CPED1: variants seen among roughly 807,000 people sequenced by gnomAD.
CPED1 encodes the protein cadherin like and PC-esterase domain containing 1.
In CPED1, 114 loss-of-function variants were observed where a neutral mutation model predicts 128.2. That is an observed-to-expected ratio of 0.89 (90% CI 0.76 to 1.04). CPED1 has a LOEUF of 1.04. Among genes scored for constraint, CPED1 ranks in the 50% least tolerant of loss-of-function variants. The probability of loss-of-function intolerance (pLI) is 0.00; values close to 1 mark genes in which losing one functional copy is unlikely to be tolerated. For missense variants in CPED1, 1,211 were observed against 1,207.1 expected (o/e 1.00, Z -0.05); for synonymous variants, 462 against 426.7 (o/e 1.08, Z -1.02).
chr7:121,123,122 A>G (rs991260261), intron 7 of CPED1, among the ~76,000 whole-genome samples: 3 of 152,216 alleles, frequency 2.0e-5, no homozygotes, highest in African/African-American at 7.2e-5. Flanking sequence ...TTTCAATCAT[A>G]CAATTATTAC....
At chr7:121,237,276 T>C (rs980881313) in intron 17 of CPED1, among the ~76,000 whole-genome samples, 63 of 152,188 alleles carry the variant, frequency 4.1e-4, no homozygotes, top group African/African-American at 1.5e-3. Flanking sequence ...ATTATACTAA[T>C]TCATTTGGCA....
intron 22 of CPED1, among the ~76,000 whole-genome samples, chr7:121,292,507 C>T (rs912486541): frequency 1.3e-5 from 2 of 151,964 alleles, no homozygotes; most frequent in Non-Finnish European, 2.9e-5. Context: ...CCTTCTGAAG[C>T]CTACTTCTGT....
At chr7:120,999,158 C>T (rs895758693) in intron 2 of CPED1, among the ~76,000 whole-genome samples, 2 of 152,066 alleles carry the variant, frequency 1.3e-5, no homozygotes, top group South Asian at 2.1e-4. Context: ...ACTCCTTCTC[C>T]CTCTTTTCTT....
At chr7:121,112,693 T>C (rs1446909053) in intron 7 of CPED1, among the ~76,000 whole-genome samples, 1 of 152,136 alleles carries the variant, frequency 6.6e-6, no homozygotes, top group Non-Finnish European at 1.5e-5. Context: ...AAATATCTCA[T>C]TGGCCAAAGA....
chr7:121,166,302 A>G (rs1265365758), intron 16 of CPED1, among the ~76,000 whole-genome samples: 1 of 152,220 alleles, frequency 6.6e-6, no homozygotes, highest in African/African-American at 2.4e-5. Context: ...GCTATGATGT[A>G]TAAAATGGAC....
intron 5 of CPED1, among the ~76,000 whole-genome samples, chr7:121,070,021 A>G (rs1370186871): frequency 6.6e-6 from 1 of 152,048 alleles, no homozygotes. Flanking sequence ...CATTTTGAAC[A>G]TTTTAGGATT....
At chr7:121,152,018 A>G (rs993112495) in intron 16 of CPED1, among the ~76,000 whole-genome samples, 2 of 152,212 alleles carry the variant, frequency 1.3e-5, no homozygotes, top group African/African-American at 4.8e-5. Flanking sequence ...ACCGCCTGAC[A>G]TATTTAACTT....
At chr7:121,025,602 G>T (rs1234619298) in intron 3 of CPED1, among the ~76,000 whole-genome samples, 1 of 152,076 alleles carries the variant, frequency 6.6e-6, no homozygotes, top group East Asian at 1.9e-4. Flanking sequence ...GGTTGGGAGT[G>T]TTCTTCCAAA....
intron 16 of CPED1, among the ~76,000 whole-genome samples, chr7:121,173,834 T>C (rs1159820836): frequency 6.6e-6 from 1 of 152,150 alleles, no homozygotes; most frequent in African/African-American, 2.4e-5. Flanking sequence ...ATTGAATTGA[T>C]ATACACCCCC....
intron 18 of CPED1, among the ~76,000 whole-genome samples, chr7:121,264,150 A>G (rs745778268): frequency 6.6e-6 from 1 of 152,042 alleles, no homozygotes; most frequent in African/African-American, 2.4e-5. Context: ...GAAGGAACCA[A>G]CCCTACTAGC....
chr7:121,086,000 G>A (rs761112557), intron 5 of CPED1, among the ~76,000 whole-genome samples: 1 of 152,158 alleles, frequency 6.6e-6, no homozygotes, highest in African/African-American at 2.4e-5. Context: ...TATTGCAGAA[G>A]CAGGAAGGTT....
At chr7:121,214,966 A>G (rs1332949406) in intron 16 of CPED1, among the ~76,000 whole-genome samples, 1 of 151,992 alleles carries the variant, frequency 6.6e-6, no homozygotes. Flanking sequence ...AATGGGATAC[A>G]TTTTTTGCAG....
At chr7:121,059,992 C>T (rs980179175) in intron 4 of CPED1, among the ~76,000 whole-genome samples, 1 of 152,094 alleles carries the variant, frequency 6.6e-6, no homozygotes, top group African/African-American at 2.4e-5. Context: ...AGCGGGAACC[C>T]GGGCTGCGCG....
chr7:121,091,636 C>T (rs1794573383), intron 5 of CPED1, among the ~76,000 whole-genome samples: 1 of 152,154 alleles, frequency 6.6e-6, no homozygotes, highest in South Asian at 2.1e-4. Context: ...AAGTCAAAGG[C>T]TGTGCAAAGC....
At chr7:121,098,659 G>T (rs569613047) in intron 6 of CPED1, among the ~76,000 whole-genome samples, 1 of 150,470 alleles carries the variant, frequency 6.6e-6, no homozygotes, top group East Asian at 1.9e-4. Flanking sequence ...CTGAGCCCTC[G>T]AAGTGGAGGC....
At chr7:121,079,255 A>G (rs1404954130) in intron 5 of CPED1, among the ~76,000 whole-genome samples, 1 of 152,174 alleles carries the variant, frequency 6.6e-6, no homozygotes, top group Non-Finnish European at 1.5e-5. Flanking sequence ...ATGATATCAC[A>G]TGGAAACGAG....
intron 6 of CPED1, among the ~76,000 whole-genome samples, chr7:121,098,180 A>G (rs1794746835): frequency 6.6e-6 from 1 of 151,894 alleles, no homozygotes; most frequent in Admixed American, 6.6e-5. Context: ...GGCTGGATGC[A>G]TTTTTTTTCT....
intron 2 of CPED1, among the ~76,000 whole-genome samples, chr7:120,997,413 C>A (rs1198196762): frequency 1.3e-5 from 2 of 152,148 alleles, no homozygotes; most frequent in African/African-American, 4.8e-5. Context: ...GACCTATGTC[C>A]TTTCTATTTT....
intron 5 of CPED1, among the ~76,000 whole-genome samples, chr7:121,095,185 G>A (rs1239243621): frequency 1.3e-5 from 2 of 152,220 alleles, no homozygotes; most frequent in South Asian, 2.1e-4. Context: ...GAGATTTCTA[G>A]GCTCTTTGAG....
Sources: allele counts gnomAD v4.1 joint callset (sites outside exome capture counted in the v4.1 genomes callset), GRCh38; gene constraint gnomAD v4.1.1; transcripts MANE v1.5; gene names NCBI Gene and HGNC (gene_info 2026-07-23, HGNC 2026-07-21).